The following ITGBL1 variants were observed in gnomAD, a reference collection of about 807,000 sequenced individuals.
ITGBL1 encodes the protein integrin subunit beta like 1.
ITGBL1 carries 51 observed loss-of-function variants against 68.5 expected under a neutral mutation model. The observed-to-expected ratio is 0.74, with a 90% CI of 0.59 to 0.94. ITGBL1 has a LOEUF of 0.94. Ranked by LOEUF, ITGBL1 falls within the 40% of genes least tolerant of loss-of-function variation. The pLI, the probability that ITGBL1 is intolerant of heterozygous loss-of-function variation, is 0.00. For missense variants in ITGBL1, 649 were observed against 647.4 expected (o/e 1.00, Z -0.03); for synonymous variants, 209 against 227.3 (o/e 0.92, Z 0.72).
At chr13:101,504,774 A>G (rs913196023) in intron 2 of ITGBL1, among the ~76,000 whole-genome samples, 3 of 152,208 alleles carry the variant, frequency 2.0e-5, no homozygotes, top group African/African-American at 7.2e-5. Context: ...ACTCACTGCT[A>G]TGACTTGCTT....
intron 7 of ITGBL1, among the ~76,000 whole-genome samples, chr13:101,621,593 C>T (rs1035266080): frequency 6.6e-6 from 1 of 152,096 alleles, no homozygotes; most frequent in African/African-American, 2.4e-5. Flanking sequence ...AAAAGGTTCC[C>T]ACACTCTAGA....
chr13:101,486,933 G>T (rs1210522852), intron 2 of ITGBL1, among the ~76,000 whole-genome samples: 2 of 151,068 alleles, frequency 1.3e-5, no homozygotes, highest in Admixed American at 1.3e-4. Flanking sequence ...ATGCTTTCTA[G>T]ATTGCATCAG....
At chr13:101,683,150 A>G (rs2033680825) in intron 7 of ITGBL1, among the ~76,000 whole-genome samples, 2 of 152,122 alleles carry the variant, frequency 1.3e-5, no homozygotes, top group South Asian at 4.1e-4. Context: ...GAAGAATGCC[A>G]GAATCCTAAA....
At chr13:101,561,639 G>T (rs995292250) in intron 2 of ITGBL1, among the ~76,000 whole-genome samples, 1 of 152,178 alleles carries the variant, frequency 6.6e-6, no homozygotes, top group African/African-American at 2.4e-5. Context: ...AGATACTAAT[G>T]ACAGGGGACT....
chr13:101,607,115 C>T (rs1439652693), intron 7 of ITGBL1, among the ~76,000 whole-genome samples: 1 of 151,872 alleles, frequency 6.6e-6, no homozygotes, highest in African/African-American at 2.4e-5. Flanking sequence ...GCTCTTCTGT[C>T]AACAGCATTT....
chr13:101,675,270 G>A (rs1409809140), intron 7 of ITGBL1, among the ~76,000 whole-genome samples: 1 of 151,436 alleles, frequency 6.6e-6, no homozygotes, highest in African/African-American at 2.4e-5. Flanking sequence ...TTATGTCTCT[G>A]TGGATTTCTT....
At chr13:101,663,005 TAAC>T (rs2033126373) in intron 7 of ITGBL1, among the ~76,000 whole-genome samples, 1 of 152,142 alleles carries the variant, frequency 6.6e-6, no homozygotes, top group Admixed American at 6.6e-5. Context: ...CCTCTATACT[TAAC>T]TACTAGTGAA....
At chr13:101,707,718 T>C (rs932032903) in intron 9 of ITGBL1, among the ~76,000 whole-genome samples, 2 of 151,794 alleles carry the variant, frequency 1.3e-5, no homozygotes, top group Admixed American at 1.3e-4. Flanking sequence ...CCAGGCATTG[T>C]GGCTCACACC....
At chr13:101,605,286 G>A (rs527689048) in intron 7 of ITGBL1, among the ~76,000 whole-genome samples, 3 of 145,524 alleles carry the variant, frequency 2.1e-5, no homozygotes, top group African/African-American at 2.5e-5. Context: ...GTGTATATGC[G>A]TATATATACA....
At chr13:101,542,875 C>T (rs1048094274) in intron 2 of ITGBL1, among the ~76,000 whole-genome samples, 3 of 152,144 alleles carry the variant, frequency 2.0e-5, no homozygotes, top group Non-Finnish European at 4.4e-5. Context: ...ACTAGGATTG[C>T]AACCCCTGCC....
chr13:101,637,979 A>T (rs1482439201), intron 7 of ITGBL1, among the ~76,000 whole-genome samples: 1 of 152,212 alleles, frequency 6.6e-6, no homozygotes, highest in Non-Finnish European at 1.5e-5. Context: ...GTAATACTCT[A>T]CTTGAAAGGA....
chr13:101,548,854 T>C (rs1279491126), intron 2 of ITGBL1, among the ~76,000 whole-genome samples: 1 of 151,864 alleles, frequency 6.6e-6, no homozygotes, highest in Non-Finnish European at 1.5e-5. Flanking sequence ...TTAATCTTTA[T>C]GTTTAATGTG....
In ITGBL1 at chr13:101,623,644, C is replaced by T. The variant is rs188270873; in HGVS notation, c.1015+25345C>T. 2.6e-4 allele frequency among the ~76,000 whole-genome samples: 39 copies of T among 152,246 alleles called. No individual in the cohort carries two copies. In the East Asian group the frequency reaches 5.0e-3, roughly 20 times the overall value. On this transcript the variant is annotated intron_variant, in intron 7 of 10. Coordinates refer to ENST00000376180, the MANE Select transcript of ITGBL1 (RefSeq NM_004791.3). Reference sequence around the variant, plus strand: ...ATCTGAGGACAGGCAGTGGGTTCACCGTGAGTCACTGTAGTTCAAAGATGT... The same window carrying T: ...ATCTGAGGACAGGCAGTGGGTTCACTGTGAGTCACTGTAGTTCAAAGATGT...
chr13:101,543,952 G>A (rs189121227), intron 2 of ITGBL1, among the ~76,000 whole-genome samples: 4 of 152,186 alleles, frequency 2.6e-5, no homozygotes, highest in African/African-American at 4.8e-5. Flanking sequence ...TTAGCCATTC[G>A]TCTAATTTTT....
chr13:101,575,632 T>A (rs560661628), intron 4 of ITGBL1, 86 bp downstream of exon 4: 1 of 1,317,826 alleles, frequency 7.6e-7, no homozygotes, highest in African/African-American at 1.5e-5. Context: ...CATAAGTTTC[T>A]GCTCTAGGTG....
chr13:101,714,287 G>T, intron 9 of ITGBL1, 151 bp from the exon 10 acceptor site: 1 of 630,546 alleles, frequency 1.6e-6, no homozygotes, highest in Non-Finnish European at 2.9e-6. Flanking sequence ...AGTAAGTAAA[G>T]CTCCCCTCTG....
intron 2 of ITGBL1, among the ~76,000 whole-genome samples, chr13:101,473,036 A>G (rs7320661): frequency 0.61 from 93,006 of 151,952 alleles, 29,429 homozygotes; most frequent in East Asian, 0.94. Flanking sequence ...ATAAGATGCT[A>G]TATTTGTAGC....
chr13:101,602,859 C>T (rs2030471325), intron 7 of ITGBL1, among the ~76,000 whole-genome samples: 1 of 151,968 alleles, frequency 6.6e-6, no homozygotes, highest in Admixed American at 6.6e-5. Context: ...TTTCACTTAG[C>T]ATAAGTGTTT....
intron 8 of ITGBL1, among the ~76,000 whole-genome samples, chr13:101,699,650 G>A (rs2034086658): frequency 6.6e-6 from 1 of 152,160 alleles, no homozygotes; most frequent in African/African-American, 2.4e-5. Flanking sequence ...CCCCAGTCAT[G>A]CAGAACTGTG....
Sources: gnomAD v4.1 joint callset for allele counts (sites outside exome capture counted in the v4.1 genomes callset) on GRCh38, gnomAD v4.1.1 for gene constraint, MANE v1.5 for transcripts, NCBI Gene and HGNC (gene_info 2026-07-23, HGNC 2026-07-21) for gene names.